Variants in NAALADL2 observed in about 807,000 individuals in gnomAD.
The protein encoded by NAALADL2 is inactive N-acetylated-alpha-linked acidic dipeptidase-like protein 2.
In NAALADL2, 76 loss-of-function variants were observed where a neutral mutation model predicts 87.2. The observed-to-expected ratio is 0.87, with a 90% CI of 0.72 to 1.05. The LOEUF (loss-of-function observed/expected upper bound fraction) is 1.05. NAALADL2 is among the 50% of genes least tolerant of loss of function. NAALADL2 has a pLI of 0.00. For synonymous variants in NAALADL2, 354 were observed against 331.0 expected (o/e 1.07, Z -0.75); for missense variants, 1,089 against 945.8 (o/e 1.15, Z -1.99).
rs200117207 is a variant in NAALADL2 at position 174,545,908 on chromosome 3, T to C, written c.-183-4661T>C. On this transcript the variant is annotated intron_variant, in intron 1 of 3. Transcript: ENST00000434257. ...ATTGTATGGTATTCTGTTTTTGTTTTATTAATTATATATTTTATATATTTA... is the reference window on the plus strand; with the variant it reads ...ATTGTATGGTATTCTGTTTTTGTTTCATTAATTATATATTTTATATATTTA... Among the ~76,000 whole-genome samples, 17 of 151,100 alleles carry C rather than the reference T, an allele frequency of 1.1e-4. No homozygotes were observed. In the East Asian group the frequency reaches 2.1e-3, roughly 19 times the overall value.
At chr3:174,890,128 G>C (rs1289298150) in intron 1 of NAALADL2, among the ~76,000 whole-genome samples, 1 of 152,124 alleles carries the variant, frequency 6.6e-6, no homozygotes, top group Admixed American at 6.6e-5. Context: ...TCACGATGAC[G>C]TTTCTAGTAA....
intron 1 of NAALADL2, among the ~76,000 whole-genome samples, chr3:174,493,372 A>T (rs1381117039): frequency 2.0e-5 from 3 of 152,244 alleles, no homozygotes. Context: ...GAAGACAGCC[A>T]TCTAGTCAAG....
rs542764855 is a variant in NAALADL2, at chr3:174,533,760, A to C, written c.-183-16809A>C. 6.6e-5 allele frequency among the ~76,000 whole-genome samples: 10 copies of C among 152,314 alleles called. No homozygotes were observed. In the East Asian group the frequency reaches 1.5e-3, roughly 23 times the overall value. On this transcript the variant is annotated intron_variant, in intron 1 of 3. Coordinates refer to the NAALADL2 transcript ENST00000434257. The stretch of plus-strand genomic sequence containing the variant: ...ATCTCATTCCAACTGTGTAGTTGAC[A>C]ATAAAGCATCATTCCAAAGTATCCT...
chr3:175,671,052 A>T (rs1733940533), intron 11 of NAALADL2, among the ~76,000 whole-genome samples: 1 of 151,754 alleles, frequency 6.6e-6, no homozygotes, highest in Non-Finnish European at 1.5e-5. Context: ...ACCCTAAACA[A>T]CAGGGACACG....
At chr3:174,707,334 GAC>G (rs1730176482) in intron 2 of NAALADL2, among the ~76,000 whole-genome samples, 1 of 152,064 alleles carries the variant, frequency 6.6e-6, no homozygotes, top group Non-Finnish European at 1.5e-5. Flanking sequence ...CTGCTATAAA[GAC>G]ACATGCACAC....
At chr3:174,533,626 G>A (rs1721444775) in intron 1 of NAALADL2, among the ~76,000 whole-genome samples, 1 of 24,632 alleles carries the variant, frequency 4.1e-5, no homozygotes, top group Admixed American at 1.8e-4. Flanking sequence ...GAAATTAGTT[G>A]GAAAAAAAAA....
At chr3:175,558,678 A>G (rs1475886861) in intron 9 of NAALADL2, among the ~76,000 whole-genome samples, 1 of 152,182 alleles carries the variant, frequency 6.6e-6, no homozygotes, top group Non-Finnish European at 1.5e-5. Flanking sequence ...ATTGAAAAAC[A>G]CTGTCCTTTC....
rs577938539 is a variant in NAALADL2, at chr3:175,382,612, T to C, written c.1090+58287T>C. Among the ~76,000 whole-genome samples the C allele has an allele frequency of 1.2e-3, 55 of 47,046 alleles. 2 individuals carry two copies. The highest frequency in any genetic ancestry group is 1.8e-3 in the Non-Finnish European group (37 of 20,352). 30.9% of individuals were successfully genotyped at this position (47,046 alleles called of 152,430 possible). On this transcript the variant is annotated intron_variant, in intron 5 of 13. Coordinates refer to ENST00000454872, the MANE Select transcript of NAALADL2 (RefSeq NM_207015.3). The stretch of plus-strand genomic sequence containing the variant: ...ATTGTCGGATCATATGGTAACAATT[T>C]TACATTTAAACTTTTGAAGAACATT...
chr3:175,738,889 T>C (rs950312321), intron 12 of NAALADL2, among the ~76,000 whole-genome samples: 4 of 152,200 alleles, frequency 2.6e-5, no homozygotes, highest in African/African-American at 7.2e-5. Context: ...AAGGTCTAAA[T>C]AGTTTTGTGA....
intron 2 of NAALADL2, among the ~76,000 whole-genome samples, chr3:174,693,464 C>T (rs1935541238): frequency 6.6e-6 from 1 of 152,132 alleles, no homozygotes; most frequent in Admixed American, 6.5e-5. Context: ...AATTTTCCAA[C>T]TCCAGTATTC....
At position 175,770,372 on chromosome 3, in the gene NAALADL2, G is replaced by T. The variant is rs185702298; in HGVS notation, c.2189+14954G>T. ...GAAAGAATGAATCTTTTCTAAATGG[G>T]ATTCTGCTGACTTCAGCTCAAATAA... On this transcript the variant is annotated intron_variant, in intron 13 of 13. Coordinates refer to ENST00000454872, the MANE Select transcript of NAALADL2 (RefSeq NM_207015.3). Among the ~76,000 whole-genome samples the T allele has an allele frequency of 7.0e-4, 107 of 152,254 alleles. 1 individual carries two copies. The highest frequency in any genetic ancestry group is 6.9e-3 in the Admixed American group (106 of 15,278).
intron 1 of NAALADL2, among the ~76,000 whole-genome samples, chr3:174,530,038 A>T (rs1383173971): frequency 2.0e-5 from 3 of 151,968 alleles, no homozygotes; most frequent in African/African-American, 7.3e-5. Context: ...AGAAAGTGGG[A>T]TTTTCTTTTC....
intron 3 of NAALADL2, among the ~76,000 whole-genome samples, chr3:174,752,008 C>T (rs1348978931): frequency 2.6e-5 from 4 of 151,944 alleles, no homozygotes; most frequent in East Asian, 1.9e-4. Flanking sequence ...GACACAGTCT[C>T]GCTCTGTTGC....
At chr3:174,712,486 C>T (rs1334539536) in intron 2 of NAALADL2, among the ~76,000 whole-genome samples, 1 of 138,974 alleles carries the variant, frequency 7.2e-6, no homozygotes. Flanking sequence ...CTCCCGGGTT[C>T]ATGCCATTCT....
chr3:174,922,107 A>G (rs1431863729), intron 1 of NAALADL2, among the ~76,000 whole-genome samples: 1 of 151,956 alleles, frequency 6.6e-6, no homozygotes, highest in African/African-American at 2.4e-5. Context: ...GGTGTTTGAG[A>G]CCAGGTTGGC....
chr3:174,936,992 C>T (rs943980375), intron 1 of NAALADL2, among the ~76,000 whole-genome samples: 1 of 151,972 alleles, frequency 6.6e-6, no homozygotes, highest in African/African-American at 2.4e-5. Context: ...GTGTCCTTTA[C>T]CTATAACTCC....
At chr3:175,265,952 G>C (rs1271838422) in intron 4 of NAALADL2, among the ~76,000 whole-genome samples, 2 of 138,064 alleles carry the variant, frequency 1.4e-5, no homozygotes, top group Non-Finnish European at 3.1e-5. Context: ...TATATTTGCT[G>C]TATTTATGCA....
intron 1 of NAALADL2, among the ~76,000 whole-genome samples, chr3:175,043,958 G>A (rs1754383805): frequency 6.6e-6 from 1 of 151,988 alleles, no homozygotes; most frequent in Non-Finnish European, 1.5e-5. Context: ...TCTATAAATT[G>A]CTTTACATAA....
chr3:175,287,623 T>C (rs1755145664), intron 4 of NAALADL2, among the ~76,000 whole-genome samples: 1 of 152,190 alleles, frequency 6.6e-6, no homozygotes, highest in Admixed American at 6.5e-5. Flanking sequence ...TTACCCACGA[T>C]GCTATGCTTT....
Sources: allele counts gnomAD v4.1 joint callset (sites outside exome capture counted in the v4.1 genomes callset), GRCh38; gene constraint gnomAD v4.1.1; transcripts MANE v1.5; gene names NCBI Gene and HGNC (gene_info 2026-07-23, HGNC 2026-07-21).